Variants in EML5 observed in about 807,000 individuals in gnomAD.
EML5 encodes echinoderm microtubule-associated protein-like 5.
EML5 carries 120 observed loss-of-function variants against 250.0 expected under a neutral mutation model. The observed-to-expected ratio is 0.48, with a 90% CI of 0.41 to 0.56. The LOEUF (loss-of-function observed/expected upper bound fraction) is 0.56, where lower values mean the gene tolerates loss of function less well. EML5 is among the 20% of genes least tolerant of loss of function. The pLI is 0.00. For synonymous variants in EML5, 771 were observed against 806.5 expected, an observed-to-expected ratio of 0.96 and a Z score of 0.75; for missense variants, 2,006 against 2,437.6, an observed-to-expected ratio of 0.82 and a Z score of 3.73.
At position 88,711,642 on chromosome 14, in the gene EML5, G is replaced by C. The variant is rs2093409566; in HGVS notation, c.1657+629C>G. On this transcript the variant is annotated intron_variant, in intron 10 of 43. Transcript: ENST00000554922. ...AGATTACAATTCAAAATGAGATTTG[G>C]CTGGGGACACAAAGCTAAACCATAT... Among the ~76,000 whole-genome samples, 3 of 151,906 alleles carry C rather than the reference G, an allele frequency of 2.0e-5. No individual in the cohort carries two copies. In the South Asian group the frequency reaches 6.2e-4, roughly 32 times the overall value.
At chr14:88,676,799 G>A (rs950770957) in intron 21 of EML5, among the ~76,000 whole-genome samples, 4 of 151,982 alleles carry the variant, frequency 2.6e-5, no homozygotes, top group African/African-American at 4.8e-5. Context: ...ATAGACCAAG[G>A]GAATAGAATA....
chr14:88,682,016 C>T lies in EML5; in HGVS notation c.2998G>A (p.Glu1000Lys), dbSNP rs1448603101. ...TLLVQGHMEG[E>K]VWGLATHPYL... Reference sequence around the variant, plus strand: ...GGGTGTGTAGCTAAACCCCACACCTCTCCTTCCATGTGTCCCTATAAAGAA... The same window carrying T: ...GGGTGTGTAGCTAAACCCCACACCTTTCCTTCCATGTGTCCCTATAAAGAA... The change falls in exon 21 of 44, where the codon GAG (glutamate) becomes AAG (lysine). Residue 1000 changes from glutamate (E) to lysine (K), a missense_variant. Glu to Lys is a moderately conservative substitution (Grantham distance 56, BLOSUM62 1). This residue lies in a region of EML5 where 1,375 missense variants were observed against 1,590.3 expected (regional missense o/e 0.86). Transcript: ENST00000554922. 12 of 1,602,690 alleles carry T rather than the reference C, an allele frequency of 7.5e-6. No homozygotes were observed. The highest frequency in any genetic ancestry group is 1.0e-5 in the Non-Finnish European group (12 of 1,176,184).
In EML5 at chr14:88,740,425, C is replaced by G; in HGVS notation, c.673G>C (p.Gly225Arg). The G allele has an allele frequency of 1.2e-6, 2 of 1,613,290 alleles. No individual in the cohort carries two copies. Among genetic ancestry groups the G allele is most frequent in the Non-Finnish European group, 1.7e-6 (2 of 1,179,584 alleles). The change falls in exon 5 of 44, where the codon GGA becomes CGA. Residue 225 changes from glycine to arginine, a missense_variant. Around this residue, in one of 7 missense-constraint regions of EML5, gnomAD observed 1,375 missense variants for 1,590.3 expected, o/e 0.86. Coordinates refer to ENST00000554922, the MANE Select transcript of EML5 (RefSeq NM_183387.3). ...TGTATTGTTCGTATAAGATTGATTC[C>G]TTTCCAAACATATATATCCCCATTG... ...ALNGDIYVWK[G>R]INLIRTIQGA... is the part of the protein sequence containing the mutation.
At chr14:88,621,074 G>C in intron 38 of EML5, 39 bp downstream of exon 38, 1 of 1,567,924 alleles carries the variant, frequency 6.4e-7, no homozygotes, top group Non-Finnish European at 8.6e-7. Flanking sequence ...TTTCTTTTTA[G>C]AAGTTGTAAC....
chr14:88,754,005 T>C (rs931309333), intron 2 of EML5, among the ~76,000 whole-genome samples: 140 of 151,760 alleles, frequency 9.2e-4, no homozygotes, highest in African/African-American at 3.2e-3. Flanking sequence ...GGCATGATGG[T>C]ATGTGCCTGT....
intron 37 of EML5, chr14:88,621,739 A>G (rs913834918): frequency 8.6e-6 from 3 of 348,026 alleles, no homozygotes; most frequent in Non-Finnish European, 1.7e-5. Context: ...AATAAGTACA[A>G]ACACGCTCAA....
At chr14:88,749,683 C>T (rs1379532814) in intron 2 of EML5, among the ~76,000 whole-genome samples, 1 of 152,108 alleles carries the variant, frequency 6.6e-6, no homozygotes, top group Admixed American at 6.6e-5. Context: ...TCCAAATATA[C>T]ATGAAATATC....
intron 29 of EML5, among the ~76,000 whole-genome samples, chr14:88,644,920 C>T (rs528638936): frequency 3.7e-4 from 56 of 152,152 alleles, no homozygotes; most frequent in African/African-American, 1.3e-3. Flanking sequence ...CCATGTTGGC[C>T]AGGCTGGTCT....
intron 6 of EML5, among the ~76,000 whole-genome samples, chr14:88,738,345 A>T (rs1239826467): frequency 3.9e-5 from 6 of 151,966 alleles, no homozygotes; most frequent in Non-Finnish European, 8.8e-5. Flanking sequence ...TATGGTTTAA[A>T]CACAAACCTG....
chr14:88,634,576 A>C (rs971736215), intron 32 of EML5, 87 bp from the exon 33 acceptor site: 14 of 741,588 alleles, frequency 1.9e-5, no homozygotes, highest in Admixed American at 4.0e-5. Flanking sequence ...AATTTAAACT[A>C]TTATATACAA....
rs61982739 is a variant in EML5 at position 88,792,533 on chromosome 14, G to T, written c.-30C>A. The T allele has an allele frequency of 1.7e-4, 222 of 1,293,388 alleles. 2 individuals carry two copies. In the South Asian group the frequency reaches 5.1e-3, roughly 30 times the overall value. The allele number at this position is 1,293,388 out of a possible 1,614,324, so 80.1% of individuals were successfully genotyped here. A position where few individuals can be genotyped will look rare whatever the true frequency, so the allele number is the denominator to read the frequency against. On this transcript the variant is annotated 5_prime_UTR_variant, in exon 1 of 44. Coordinates refer to ENST00000554922, the MANE Select transcript of EML5 (RefSeq NM_183387.3). This position sits in a 1 kb window ranked among gnomAD's most constrained non-coding sequence, Gnocchi z 6.9. ...GGGCGCCCACCCGCCGCTCCCGCTC[G>T]GGCCCGCGGCGGCGACGGGAGGCGG...
At chr14:88,785,783 A>C (rs1185421597) in intron 1 of EML5, among the ~76,000 whole-genome samples, 2 of 152,222 alleles carry the variant, frequency 1.3e-5, no homozygotes, top group African/African-American at 4.8e-5. Flanking sequence ...TTACTGCAAC[A>C]GTCTCCTAAG....
intron 21 of EML5, among the ~76,000 whole-genome samples, chr14:88,667,716 C>T (rs990881278): frequency 2.0e-5 from 3 of 152,158 alleles, no homozygotes; most frequent in Non-Finnish European, 4.4e-5. Context: ...CTAACAGAGC[C>T]CGGGCACTGG....
At chr14:88,644,677 G>A (rs2091253009) in intron 29 of EML5, 166 bp from the exon 30 acceptor site, 1 of 520,824 alleles carries the variant, frequency 1.9e-6, no homozygotes, top group African/African-American at 2.0e-5. Flanking sequence ...TCTAAAGCAG[G>A]AAGGTAGAAA....
chr14:88,792,706 A>C lies in EML5; in HGVS notation c.-203T>G. On this transcript the variant is annotated 5_prime_UTR_variant, in exon 1 of 44. Transcript: ENST00000554922. This position sits in a 1 kb window ranked among gnomAD's most constrained non-coding sequence, Gnocchi z 6.9. ...GGGAGGAAAACCCTCGCCTCGCGGA[A>C]CATGCTGAGGGCCGCGAGCGCCGCC... The C allele has an allele frequency of 9.0e-7, 1 of 1,113,750 alleles. No homozygotes were observed. Among genetic ancestry groups the C allele is most frequent in the Non-Finnish European group, 1.1e-6 (1 of 913,654 alleles). 69.0% of individuals were successfully genotyped at this position (1,113,750 alleles called of 1,614,324 possible).
chr14:88,715,150 A>G lies in EML5; in HGVS notation c.1233T>C (p.Ile411=). ...CATCTGGTGAATATTTTAACTCATG[A>G]ATTGCCTCCTTCCTATCTTTAATAT... The part of the protein sequence containing the change: ...VVHIKDRKEA[I]HELKYSPDGT... The change falls in exon 9 of 44, where the codon ATT becomes ATC. Residue 411 remains isoleucine (I), a synonymous_variant. Transcript: ENST00000554922. 1 of 1,609,086 alleles carries G rather than the reference A, an allele frequency of 6.2e-7. No individual in the cohort carries two copies. Among genetic ancestry groups the G allele is most frequent in the Non-Finnish European group, 8.5e-7 (1 of 1,177,330 alleles).
rs1030841135 is a variant in EML5, at chr14:88,785,287, T to C, written c.197+7020A>G. ...ATTTGATGGCACAACAGGGTGACTA[T>C]AGTCAGTAATAATTTAATTGTACAT... On this transcript the variant is annotated intron_variant, in intron 1 of 43. Coordinates refer to ENST00000554922, the MANE Select transcript of EML5 (RefSeq NM_183387.3). Among the ~76,000 whole-genome samples the C allele has an allele frequency of 8.5e-5, 13 of 152,276 alleles. No individual in the cohort carries two copies. The East Asian group carries it at 2.1e-3, about 25-fold the overall frequency.
At chr14:88,651,291 T>G (rs921841751) in intron 27 of EML5, among the ~76,000 whole-genome samples, 6 of 151,612 alleles carry the variant, frequency 4.0e-5, no homozygotes, top group Non-Finnish European at 8.8e-5. Flanking sequence ...TAAAGTAAAT[T>G]GAGAACAAAA....
chr14:88,720,578 C>G (rs1311968282), intron 8 of EML5, among the ~76,000 whole-genome samples: 2 of 152,136 alleles, frequency 1.3e-5, no homozygotes, highest in Non-Finnish European at 1.5e-5. Flanking sequence ...AATTCAGCAT[C>G]CTTTCATGTT....
Sources: gnomAD v4.1 joint callset for allele counts (sites outside exome capture counted in the v4.1 genomes callset) on GRCh38, gnomAD v4.1.1 for gene constraint, gnomAD v4.1.1 regional missense constraint, Gnocchi (gnomAD v3.1) non-coding constraint, MANE v1.5 for transcripts, NCBI Gene and HGNC (gene_info 2026-07-23, HGNC 2026-07-21) for gene names.